The following CDH23 variants were observed in gnomAD, a reference collection of about 807,000 sequenced individuals.
CDH23 encodes the protein cadherin related 23.
Under a neutral mutation model 317.1 loss-of-function variants are expected in CDH23, and 189 were observed. That is an observed-to-expected ratio of 0.60 (90% CI 0.53 to 0.67). The LOEUF (loss-of-function observed/expected upper bound fraction) is 0.67. CDH23 is among the 30% of genes least tolerant of loss of function. The probability of loss-of-function intolerance (pLI) is 0.00; values close to 1 mark genes in which losing one functional copy is unlikely to be tolerated. For synonymous variants in CDH23, 1,839 were observed against 1,876.8 expected, an observed-to-expected ratio of 0.98 and a Z score of 0.52; for missense variants, 4,401 against 4,592.4, an observed-to-expected ratio of 0.96 and a Z score of 1.20.
chr10:71,648,428 C>T (rs558446580), intron 14 of CDH23, among the ~76,000 whole-genome samples: 33 of 152,326 alleles, frequency 2.2e-4, no homozygotes, highest in African/African-American at 7.0e-4. Context: ...TCTGGGACCA[C>T]GTGGCAAAGA....
chr10:71,755,280 C>T (rs775885880), intron 38 of CDH23: 85 of 1,317,104 alleles, frequency 6.5e-5, no homozygotes, highest in Admixed American at 1.1e-4. Context: ...CGTGCCTTTG[C>T]GAATCCCAGG....
At chr10:71,557,696 A>G (rs1300686901) in intron 6 of CDH23, among the ~76,000 whole-genome samples, 1 of 152,188 alleles carries the variant, frequency 6.6e-6, no homozygotes, top group African/African-American at 2.4e-5. Context: ...AGTGTTCTTT[A>G]TAATGTGAGC....
chr10:71,591,841 A>G (rs1859514393), intron 9 of CDH23, among the ~76,000 whole-genome samples: 1 of 151,988 alleles, frequency 6.6e-6, no homozygotes, highest in African/African-American at 2.4e-5. Flanking sequence ...TCTCTGTTGG[A>G]TGGAATGGCC....
chr10:71,575,471 G>A (rs1056900913), intron 8 of CDH23, among the ~76,000 whole-genome samples: 11 of 152,214 alleles, frequency 7.2e-5, no homozygotes, highest in Non-Finnish European at 1.2e-4. Flanking sequence ...TCGAGCGCAC[G>A]CAGTCTGGCA....
intron 56 of CDH23, 27 bp downstream of exon 56, chr10:71,806,024 C>CCGGGGGGGGGGGGG: frequency 2.1e-6 from 1 of 471,000 alleles, no homozygotes; most frequent in Non-Finnish European, 3.8e-6. Flanking sequence ...GTGCGAGGGG[C>CCGGGGGGGGGGGGG]GGGGTCTGGG....
rs57159718 is a variant in CDH23 at position 71,774,051 on chromosome 10, G to GCACACA, written c.4846-3596_4846-3591dup. 4.3e-3 allele frequency among the ~76,000 whole-genome samples: 383 copies of GCACACA among 88,550 alleles called. 3 individuals carry two copies. The highest frequency in any genetic ancestry group is 0.039 in the Middle Eastern group (6 of 152). 58.1% of individuals were successfully genotyped at this position (88,550 alleles called of 152,430 possible). A position where few individuals can be genotyped will look rare whatever the true frequency, so the allele number is the denominator to read the frequency against. Reference sequence around the variant, plus strand: ...AGGCACCCTGAGTGCATGCGCGCGCGCACACACACACACACACACACACAC... The same window carrying GCACACA: ...AGGCACCCTGAGTGCATGCGCGCGCGCACACACACACACACACACACACACACACAC... On this transcript the variant is annotated intron_variant, in intron 38 of 69. Transcript: ENST00000224721.
At chr10:71,742,250 T>C (rs1179583503) in intron 38 of CDH23, among the ~76,000 whole-genome samples, 1 of 152,168 alleles carries the variant, frequency 6.6e-6, no homozygotes, top group Non-Finnish European at 1.5e-5. Context: ...AGCAAGTGGG[T>C]ATGAATCTAG....
chr10:71,751,715 G>T lies in CDH23; in HGVS notation c.4845+9794G>T, dbSNP rs903240052. The stretch of plus-strand genomic sequence containing the variant: ...TCCGGGGCCTGGAGGAGACAGGGGG[G>T]TGCTGGGCTCCGAAAGCAGATGCCG... On this transcript the variant is annotated intron_variant, in intron 38 of 69. Transcript: ENST00000224721. The surrounding 1 kb of genome is among the most constrained non-coding windows in gnomAD (Gnocchi z 4.9). The T allele has an allele frequency of 6.3e-7, 1 of 1,577,364 alleles. No homozygotes were observed. The highest frequency in any genetic ancestry group is 1.4e-5 in the African/African-American group (1 of 73,610).
chr10:71,600,932 C>T (rs1289947085), intron 9 of CDH23, among the ~76,000 whole-genome samples: 1 of 152,168 alleles, frequency 6.6e-6, no homozygotes, highest in Non-Finnish European at 1.5e-5. Context: ...GACAAATTTG[C>T]CATCTTTTCT....
chr10:71,449,444 A>G (rs939156386), intron 3 of CDH23, among the ~76,000 whole-genome samples: 5 of 152,196 alleles, frequency 3.3e-5, no homozygotes, highest in African/African-American at 1.2e-4. Flanking sequence ...TAAGATTAAC[A>G]GGAAACCTGC....
chr10:71,445,710 G>A (rs1850123510), intron 2 of CDH23, among the ~76,000 whole-genome samples: 1 of 151,998 alleles, frequency 6.6e-6, no homozygotes, highest in African/African-American at 2.4e-5. Context: ...AAATAGCCTG[G>A]CATGGGGCAT....
chr10:71,623,335 T>A (rs1861558417), intron 11 of CDH23, among the ~76,000 whole-genome samples: 1 of 152,146 alleles, frequency 6.6e-6, no homozygotes, highest in Non-Finnish European at 1.5e-5. Context: ...AGGGCAGAGA[T>A]CCCCAAAAGG....
chr10:71,430,783 G>C (rs908431643), intron 1 of CDH23, among the ~76,000 whole-genome samples: 8 of 152,108 alleles, frequency 5.3e-5, no homozygotes, highest in African/African-American at 1.9e-4. Context: ...TCGCGCCACT[G>C]CACTCCAGCC....
At chr10:71,682,347 C>G in intron 17 of CDH23, 98 bp from the exon 18 acceptor site, 2 of 1,492,742 alleles carry the variant, frequency 1.3e-6, no homozygotes, top group Non-Finnish European at 1.8e-6. Context: ...TGGCCCGGGC[C>G]ATGCCAGCCA....
chr10:71,417,311 A>G (rs1275136245), intron 1 of CDH23, among the ~76,000 whole-genome samples: 1 of 152,136 alleles, frequency 6.6e-6, no homozygotes, highest in African/African-American at 2.4e-5. Flanking sequence ...TACTGACCTC[A>G]GGTGATCCGC....
rs1004878068 is a variant in CDH23 at position 71,692,244 on chromosome 10, C to T, written c.2176+1660C>T. ...GACTCCAGAATCCAAACATTAAAGG[C>T]GCCATTATATGAGTAGCTCCCTGGC... On this transcript the variant is annotated intron_variant, in intron 20 of 69. Coordinates refer to ENST00000224721, the MANE Select transcript of CDH23 (RefSeq NM_022124.6). 7.2e-5 allele frequency among the ~76,000 whole-genome samples: 11 copies of T among 152,302 alleles called. 1 individual carries two copies. The highest frequency in any genetic ancestry group is 4.1e-4 in the South Asian group (2 of 4,820).
At chr10:71,560,884 A>G (rs561838115) in intron 6 of CDH23, among the ~76,000 whole-genome samples, 17 of 152,316 alleles carry the variant, frequency 1.1e-4, no homozygotes, top group African/African-American at 4.1e-4. Flanking sequence ...AGCAGCATCT[A>G]GCAAGCATTC....
At chr10:71,550,063 A>G (rs1369627428) in intron 6 of CDH23, among the ~76,000 whole-genome samples, 1 of 152,198 alleles carries the variant, frequency 6.6e-6, no homozygotes, top group Non-Finnish European at 1.5e-5. Context: ...GCTTTAGATT[A>G]AGGCAGAGCT....
At chr10:71,468,837 G>A (rs770201487) in intron 3 of CDH23, among the ~76,000 whole-genome samples, 1 of 152,160 alleles carries the variant, frequency 6.6e-6, no homozygotes, top group Non-Finnish European at 1.5e-5. Flanking sequence ...GGTGAGGCAG[G>A]TGCCTTACTC....
Sources: allele counts gnomAD v4.1 joint callset (sites outside exome capture counted in the v4.1 genomes callset), GRCh38; gene constraint gnomAD v4.1.1; non-coding constraint Gnocchi (gnomAD v3.1); transcripts MANE v1.5; gene names NCBI Gene and HGNC (gene_info 2026-07-23, HGNC 2026-07-21).